Variants in AOX1 observed in about 807,000 individuals in gnomAD.
AOX1 encodes aldehyde oxidase 1.
Under a neutral mutation model 169.5 loss-of-function variants are expected in AOX1, and 153 were observed. The observed-to-expected ratio is 0.90, with a 90% confidence interval of 0.79 to 1.03. The LOEUF (loss-of-function observed/expected upper bound fraction) is 1.03. AOX1 is among the 50% of genes least tolerant of loss of function. The probability of loss-of-function intolerance (pLI) is 0.00; values close to 1 mark genes in which losing one functional copy is unlikely to be tolerated. For missense variants in AOX1, 1,656 were observed against 1,663.9 expected (o/e 1.00, Z 0.08); for synonymous variants, 562 against 581.9 (o/e 0.97, Z 0.49).
chr2:200,613,844 A>G lies in AOX1; in HGVS notation c.1489A>G (p.Ile497Val), dbSNP rs1406936963. ...GATGCTGGATATAGCCTGCAGGCTT[A>G]TTCTGAATGAAGTCTCCCTTTTGGG... Reference protein sequence around the residue: ...EQMLDIACRLILNEVSLLGSA... With the variant: ...EQMLDIACRLVLNEVSLLGSA... Residue 497 changes from isoleucine to valine, a missense_variant, in exon 15 of 35, where the codon ATT becomes GTT. By Grantham distance (29) the Ile-to-Val change is conservative. Coordinates refer to ENST00000374700, the MANE Select transcript of AOX1 (RefSeq NM_001159.4). The G allele has an allele frequency of 1.9e-6, 3 of 1,612,628 alleles. No homozygotes were observed. The highest frequency in any genetic ancestry group is 2.5e-6 in the Non-Finnish European group (3 of 1,179,918).
At chr2:200,609,584 C>G (rs180948524) in intron 12 of AOX1, among the ~76,000 whole-genome samples, 170 bp downstream of exon 12, 147 of 152,290 alleles carry the variant, frequency 9.7e-4, no homozygotes, top group Non-Finnish European at 1.5e-3. Flanking sequence ...ATAGCACAGG[C>G]TTTCTTCCCC....
chr2:200,588,726 C>CTTTTTTTTTTTT lies in AOX1; in HGVS notation c.45+2583_45+2594dup, dbSNP rs71807461. On this transcript the variant is annotated intron_variant, in intron 1 of 34. Transcript: ENST00000374700. ...CTTACATGGAAAGAACTAGAATAAGCTTTTTTTTTTTTTTTTTTTTTGAGA... is the reference window on the plus strand; with the variant it reads ...CTTACATGGAAAGAACTAGAATAAGCTTTTTTTTTTTTTTTTTTTTTTTTTTTTTTTTTGAGA... 8.7e-4 allele frequency among the ~76,000 whole-genome samples: 47 copies of CTTTTTTTTTTTT among 53,988 alleles called. 5 individuals are homozygous for CTTTTTTTTTTTT. The highest frequency in any genetic ancestry group is 1.3e-3 in the Non-Finnish European group (33 of 25,664). The allele number at this position is 53,988 out of a possible 152,430, so 35.4% of individuals were successfully genotyped here.
downstream of AOX1, among the ~76,000 whole-genome samples, chr2:200,678,949 G>C (rs2036132306): frequency 6.6e-6 from 1 of 152,060 alleles, no homozygotes. Context: ...AATCATACTA[G>C]AGATTGTTTG....
intron 18 of AOX1, among the ~76,000 whole-genome samples, chr2:200,622,848 G>T (rs968224535): frequency 6.6e-6 from 1 of 152,160 alleles, no homozygotes; most frequent in Middle Eastern, 3.4e-3. Context: ...TCTTTTCATT[G>T]TAGAAATTGT....
chr2:200,649,159 T>G (rs1257054676), intron 25 of AOX1, among the ~76,000 whole-genome samples: 2 of 152,144 alleles, frequency 1.3e-5, no homozygotes, highest in East Asian at 1.9e-4. Flanking sequence ...TCTTTCTCCC[T>G]GTGGAGTTTC....
downstream of AOX1, among the ~76,000 whole-genome samples, chr2:200,675,522 G>C (rs930596763): frequency 7.9e-5 from 12 of 152,256 alleles, no homozygotes; most frequent in South Asian, 2.5e-3. Context: ...TTTAGAAGGT[G>C]ATTTAGTTGG....
At chr2:200,606,775 T>G (rs564580069) in intron 10 of AOX1, among the ~76,000 whole-genome samples, 3 of 152,200 alleles carry the variant, frequency 2.0e-5, no homozygotes, top group African/African-American at 7.2e-5. Context: ...ATGATTTGGC[T>G]CTCTGCTTGT....
intron 16 of AOX1, among the ~76,000 whole-genome samples, chr2:200,616,883 A>G (rs1012514531): frequency 6.6e-6 from 1 of 152,206 alleles, no homozygotes; most frequent in Non-Finnish European, 1.5e-5. Flanking sequence ...GTCGTAATGA[A>G]CATTGACGTT....
intron 12 of AOX1, among the ~76,000 whole-genome samples, chr2:200,611,053 C>T (rs2034627654): frequency 6.6e-6 from 1 of 152,092 alleles, no homozygotes. Flanking sequence ...AGAGGTTTCA[C>T]CATGTTGGCC....
downstream of AOX1, among the ~76,000 whole-genome samples, chr2:200,674,313 G>T (rs1332126494): frequency 6.6e-6 from 1 of 152,206 alleles, no homozygotes; most frequent in South Asian, 2.1e-4. Flanking sequence ...TTTCCCAATA[G>T]GCAGGGCTTT....
intron 12 of AOX1, 33 bp downstream of exon 12, chr2:200,609,447 G>A: frequency 3.8e-6 from 6 of 1,579,298 alleles, no homozygotes; most frequent in Non-Finnish European, 5.2e-6. Flanking sequence ...AGATTATTAA[G>A]CTGTTTCTCT....
chr2:200,591,319 CAA>C (rs1286573065), intron 1 of AOX1, among the ~76,000 whole-genome samples: 1 of 152,144 alleles, frequency 6.6e-6, no homozygotes, highest in East Asian at 1.9e-4. Context: ...GCCATGGGAA[CAA>C]AGAGGAGGAT....
At chr2:200,638,441 T>C (rs1158834518) in intron 23 of AOX1, 139 bp downstream of exon 23, 1 of 697,600 alleles carries the variant, frequency 1.4e-6, no homozygotes, top group Non-Finnish European at 2.4e-6. Flanking sequence ...TAACTTTCTA[T>C]TGGTTGCACT....
chr2:200,602,457 T>G (rs2034438151), intron 6 of AOX1, 112 bp downstream of exon 6: 1 of 870,464 alleles, frequency 1.1e-6, no homozygotes, highest in Non-Finnish European at 1.8e-6. Context: ...CTACTTCTTA[T>G]CTCCAGGTTT....
At chr2:200,677,794 T>C (rs2036120177), downstream of AOX1, among the ~76,000 whole-genome samples, 1 of 152,212 alleles carries the variant, frequency 6.6e-6, no homozygotes, top group Non-Finnish European at 1.5e-5. Context: ...GTGCCTGATG[T>C]GCAGCCCAAT....
rs762779713 is a variant in AOX1, at chr2:200,593,221, TTGAC to T, written c.103+21_103+24del. On this transcript the variant is annotated intron_variant, in intron 2 of 34. Coordinates refer to ENST00000374700, the MANE Select transcript of AOX1 (RefSeq NM_001159.4). ...GAAGAAGCGTATCCTTTTCTTTACT[TTGAC>T]TGTGTATGTGTGTGTGTATTTGTAT... 3.5e-5 allele frequency: 56 copies of T among 1,604,546 alleles called. No homozygotes were observed. Among genetic ancestry groups the T allele is most frequent in the Middle Eastern group, 1.7e-4 (1 of 6,050 alleles).
intron 5 of AOX1, among the ~76,000 whole-genome samples, chr2:200,601,995 G>A (rs1460721092): frequency 6.6e-6 from 1 of 151,812 alleles, no homozygotes; most frequent in Non-Finnish European, 1.5e-5. Flanking sequence ...TGTGACTGTA[G>A]AGCAAGTTTT....
At chr2:200,666,893 G>A (rs2035933471) in intron 32 of AOX1, 141 bp downstream of exon 32, 2 of 504,548 alleles carry the variant, frequency 4.0e-6, no homozygotes, top group Non-Finnish European at 7.1e-6. Context: ...CAACTGCAGA[G>A]CTCAAATGTT....
chr2:200,616,244 C>T (rs1177211345), intron 16 of AOX1, among the ~76,000 whole-genome samples, 181 bp downstream of exon 16: 1 of 152,198 alleles, frequency 6.6e-6, no homozygotes, highest in Non-Finnish European at 1.5e-5. Context: ...TGATTAAAGA[C>T]AAATCTAGCA....
Sources: gnomAD v4.1 joint callset for allele counts (sites outside exome capture counted in the v4.1 genomes callset) on GRCh38, gnomAD v4.1.1 for gene constraint, MANE v1.5 for transcripts, NCBI Gene and HGNC (gene_info 2026-07-23, HGNC 2026-07-21) for gene names.